Variants in GTF3C4 observed in about 807,000 individuals in gnomAD.
The protein encoded by GTF3C4 is general transcription factor 3C polypeptide 4.
A neutral mutation model predicts 67.5 loss-of-function variants in GTF3C4; 28 were observed. The ratio of observed to expected loss-of-function variants is 0.41; its 90% CI spans 0.31 to 0.57. The LOEUF (loss-of-function observed/expected upper bound fraction) is 0.57. Among genes scored for constraint, GTF3C4 ranks in the 20% least tolerant of loss-of-function variants. The pLI is 0.21. For synonymous variants in GTF3C4, 409 were observed against 393.0 expected (o/e 1.04, Z -0.48); for missense variants, 831 against 1,033.2 (o/e 0.80, Z 2.68).
chr9:132,686,008 TTCCA>T (rs1279203958), intron 3 of GTF3C4, among the ~76,000 whole-genome samples: 1 of 152,252 alleles, frequency 6.6e-6, no homozygotes, highest in African/African-American at 2.4e-5. Flanking sequence ...ACAGGTTCAA[TTCCA>T]TCCAAAGATT....
In GTF3C4 at chr9:132,692,072, A is replaced by G. The variant is rs1305831779; in HGVS notation, c.*3127A>G. The G allele has an allele frequency of 6.6e-6, 1 of 152,152 alleles. No homozygotes were observed. Among genetic ancestry groups the G allele is most frequent in the African/African-American group, 2.4e-5 (1 of 41,420 alleles). 9.4% of individuals were successfully genotyped at this position (152,152 alleles called of 1,614,324 possible). A position where few individuals can be genotyped will look rare whatever the true frequency, so the allele number is the denominator to read the frequency against. ...GCCTCAGAGTTTGTGAATTGCTGCAATTCCTGGAATGGAAACAGGAATTAG... is the reference window on the plus strand; with the variant it reads ...GCCTCAGAGTTTGTGAATTGCTGCAGTTCCTGGAATGGAAACAGGAATTAG... On this transcript the variant is annotated 3_prime_UTR_variant, in exon 5 of 5. Transcript: ENST00000372146.
In GTF3C4 at chr9:132,694,039, T is replaced by C. The variant is rs527349099; in HGVS notation, c.*5094T>C. 43 of 152,118 alleles carry C rather than the reference T, an allele frequency of 2.8e-4. No individual in the cohort carries two copies. Among genetic ancestry groups the C allele is most frequent in the Admixed American group, 1.1e-3 (17 of 15,262 alleles). The allele number at this position is 152,118 out of a possible 1,614,324, so 9.4% of individuals were successfully genotyped here. A position where few individuals can be genotyped will look rare whatever the true frequency, so the allele number is the denominator to read the frequency against. ...TAAACAGAACAGTCATCTAAAAACA[T>C]AAGGTTTTGGAAAGGAGATGCTTTT... is the stretch of plus-strand genomic sequence containing the variant. On this transcript the variant is annotated 3_prime_UTR_variant, in exon 5 of 5. Coordinates refer to ENST00000372146, the MANE Select transcript of GTF3C4 (RefSeq NM_012204.4).
At chr9:132,681,965 G>GT (rs1197262076) in intron 2 of GTF3C4, among the ~76,000 whole-genome samples, 24 of 41,992 alleles carry the variant, frequency 5.7e-4, no homozygotes, top group African/African-American at 1.9e-3. Context: ...TCTACATAAA[G>GT]TAAAAAAAAA....
intron 1 of GTF3C4, among the ~76,000 whole-genome samples, chr9:132,676,751 G>A (rs974502867): frequency 6.6e-6 from 1 of 152,154 alleles, no homozygotes; most frequent in Admixed American, 6.5e-5. Context: ...GTCCTGGAGG[G>A]TAATTCCTCT....
In GTF3C4 at chr9:132,679,419, C is replaced by G. The variant is rs149046524; in HGVS notation, c.1800C>G (p.Thr600=). The G allele has an allele frequency of 6.2e-7, 1 of 1,614,118 alleles. No individual in the cohort carries two copies. The highest frequency in any genetic ancestry group is 1.3e-5 in the African/African-American group (1 of 75,000). Residue 600 remains threonine (T), a synonymous_variant, in exon 2 of 5, where the codon ACC becomes ACG. Transcript: ENST00000372146. The surrounding 1 kb of genome is among the most constrained non-coding windows in gnomAD (Gnocchi z 5.9). ...CTTCAGAAGCCTTGTGGAAACCCAC[C>G]CATGAGGACTCAAAAATCTTACTAG... ...KTPSEALWKP[T]HEDSKILLVD... is the part of the protein sequence containing the mutation.
intron 2 of GTF3C4, 95 bp from the exon 3 acceptor site, chr9:132,683,468 T>A: frequency 8.9e-7 from 1 of 1,125,290 alleles, no homozygotes; most frequent in Non-Finnish European, 1.3e-6. Flanking sequence ...TTTCTTTTTT[T>A]CTTTATTTTT....
intron 4 of GTF3C4, among the ~76,000 whole-genome samples, chr9:132,688,017 TA>T (rs1287683839): frequency 6.6e-6 from 1 of 152,268 alleles, no homozygotes; most frequent in Non-Finnish European, 1.5e-5. Flanking sequence ...TAAAACTACA[TA>T]AATTCTTGAG....
upstream of GTF3C4, chr9:132,670,434 G>A (rs964986893): frequency 4.1e-6 from 4 of 970,042 alleles, no homozygotes; most frequent in East Asian, 1.3e-4. Context: ...ACCTGGTAGG[G>A]CCGCGTTGCC....
At chr9:132,670,265 C>G (rs765308172), upstream of GTF3C4, 30 of 1,519,224 alleles carry the variant, frequency 2.0e-5, no homozygotes, top group South Asian at 2.3e-4. Context: ...CGACGAGCCT[C>G]CCCTTTACCG....
Position 132,675,338 on chromosome 9 carries a change from G to A in GTF3C4, c.358-2639G>A, listed in dbSNP as rs560376435. ...ATTTCATCTGCCTGTAGAAAGCACC[G>A]GGCTTTGATTAGCATTGTTTTATTT... On this transcript the variant is annotated intron_variant, in intron 1 of 4. Coordinates refer to ENST00000372146, the MANE Select transcript of GTF3C4 (RefSeq NM_012204.4). 3.5e-4 allele frequency among the ~76,000 whole-genome samples: 53 copies of A among 152,122 alleles called. No homozygotes were observed. The South Asian group carries it at 3.7e-3, about 11-fold the overall frequency.
chr9:132,673,601 G>T (rs1388946969), intron 1 of GTF3C4, among the ~76,000 whole-genome samples: 1 of 152,120 alleles, frequency 6.6e-6, no homozygotes, highest in Non-Finnish European at 1.5e-5. Context: ...CCACCCATTG[G>T]CAGTCTGTGG....
In GTF3C4 at chr9:132,670,482, G is replaced by C. The variant is rs368918874; in HGVS notation, c.-117G>C. 1.9e-4 allele frequency: 196 copies of C among 1,011,986 alleles called. 2 individuals carry two copies. The East Asian group carries it at 4.6e-3, about 24-fold the overall frequency. 62.7% of individuals were successfully genotyped at this position (1,011,986 alleles called of 1,614,324 possible). ...GGTCCTTCTTGGCTCGGCGGCGCTCGGGGCCTGAGGGGAGAAAACCGCCGC... is the reference window on the plus strand; with the variant it reads ...GGTCCTTCTTGGCTCGGCGGCGCTCCGGGCCTGAGGGGAGAAAACCGCCGC... On this transcript the variant is annotated 5_prime_UTR_variant, in exon 1 of 5. Transcript: ENST00000372146.
At chr9:132,677,680 A>T (rs1451186621) in intron 1 of GTF3C4, among the ~76,000 whole-genome samples, 3 of 152,242 alleles carry the variant, frequency 2.0e-5, no homozygotes, top group Admixed American at 6.5e-5. Flanking sequence ...CAGATAAAGG[A>T]CCTAAAGCTG....
intron 3 of GTF3C4, among the ~76,000 whole-genome samples, chr9:132,686,359 G>A (rs1836026965): frequency 6.6e-6 from 1 of 151,986 alleles, no homozygotes; most frequent in African/African-American, 2.4e-5. Flanking sequence ...CTGTCACTCA[G>A]TTGTAATCTT....
At chr9:132,673,254 T>C (rs937600476) in intron 1 of GTF3C4, among the ~76,000 whole-genome samples, 2 of 152,120 alleles carry the variant, frequency 1.3e-5, no homozygotes, top group Non-Finnish European at 2.9e-5. Context: ...AATGTCGTGG[T>C]TGTGGACATG....
At position 132,678,329 on chromosome 9, in the gene GTF3C4, C is replaced by T. The variant is rs768234250; in HGVS notation, c.710C>T (p.Ala237Val). 6.2e-7 allele frequency: 1 copy of T among 1,614,162 alleles called. No homozygotes were observed. Among genetic ancestry groups the T allele is most frequent in the Non-Finnish European group, 8.5e-7 (1 of 1,180,028 alleles). Residue 237 changes from alanine to valine, a missense_variant, in exon 2 of 5, where the codon GCT becomes GTT. Coordinates refer to ENST00000372146, the MANE Select transcript of GTF3C4 (RefSeq NM_012204.4). This position sits in a 1 kb window ranked among gnomAD's most constrained non-coding sequence, Gnocchi z 6.5. ...EAPEGNLGDF[A>V]EFQRRHSMQT... ...CCGGAAGGAAATCTCGGGGATTTTG[C>T]TGAGTTTCAGAGGAGACACAGCATG...
rs1564359219 is a variant in GTF3C4 at position 132,689,916 on chromosome 9, C to T, written c.*971C>T. Reference sequence around the variant, plus strand: ...TGAGCTCTGGTGCTGTAAGCTTGTGCAATTAAGTTGAACAGAGCCTGGGAA... The same window carrying T: ...TGAGCTCTGGTGCTGTAAGCTTGTGTAATTAAGTTGAACAGAGCCTGGGAA... On this transcript the variant is annotated 3_prime_UTR_variant, in exon 5 of 5. Coordinates refer to ENST00000372146, the MANE Select transcript of GTF3C4 (RefSeq NM_012204.4). 6.6e-6 allele frequency: 1 copy of T among 152,174 alleles called. No homozygotes were observed. Among genetic ancestry groups the T allele is most frequent in the Non-Finnish European group, 1.5e-5 (1 of 68,048 alleles). The allele number at this position is 152,174 out of a possible 1,614,324, so 9.4% of individuals were successfully genotyped here.
chr9:132,675,970 C>T (rs1203476561), intron 1 of GTF3C4, among the ~76,000 whole-genome samples: 4 of 124,098 alleles, frequency 3.2e-5, no homozygotes, highest in Non-Finnish European at 6.2e-5. Flanking sequence ...GCCATCTTGG[C>T]TCACTGCAGG....
chr9:132,677,750 A>G (rs1232527125), intron 1 of GTF3C4, among the ~76,000 whole-genome samples: 4 of 152,214 alleles, frequency 2.6e-5, no homozygotes, highest in Non-Finnish European at 5.9e-5. Flanking sequence ...AAAGATATAT[A>G]TAGATACATA....
Sources: allele counts gnomAD v4.1 joint callset (sites outside exome capture counted in the v4.1 genomes callset), GRCh38; gene constraint gnomAD v4.1.1; non-coding constraint Gnocchi (gnomAD v3.1); transcripts MANE v1.5; gene names NCBI Gene and HGNC (gene_info 2026-07-23, HGNC 2026-07-21).